NEO1: variants seen among roughly 807,000 people sequenced by gnomAD.
NEO1 encodes neogenin 1.
In NEO1, 63 loss-of-function variants were observed where a neutral mutation model predicts 159.7. The observed-to-expected ratio is 0.39, with a 90% CI of 0.32 to 0.49. NEO1 has a LOEUF of 0.49. Ranked by LOEUF, NEO1 falls within the 20% of genes least tolerant of loss-of-function variation. NEO1 has a pLI of 0.85. For missense variants in NEO1, 1,615 were observed against 1,831.0 expected (o/e 0.88, Z 2.15); for synonymous variants, 633 against 662.0 (o/e 0.96, Z 0.67).
intron 7 of NEO1, among the ~76,000 whole-genome samples, chr15:73,201,861 C>G (rs1370356662): frequency 1.3e-5 from 2 of 150,100 alleles, no homozygotes; most frequent in Non-Finnish European, 3.0e-5. Context: ...TCTGCTTTGT[C>G]TAGTATTAAT....
chr15:73,195,542 T>C (rs2036488555), intron 7 of NEO1, among the ~76,000 whole-genome samples: 1 of 152,206 alleles, frequency 6.6e-6, no homozygotes, highest in Non-Finnish European at 1.5e-5. Context: ...ATGTTTTTCT[T>C]TAGTATTAAC....
intron 20 of NEO1, 42 bp downstream of exon 20, chr15:73,274,047 A>T: frequency 6.3e-7 from 1 of 1,574,950 alleles, no homozygotes; most frequent in Non-Finnish European, 8.7e-7. Context: ...GTGTCTCTTT[A>T]GTGGGGCTAT....
At chr15:73,228,434 T>G (rs1225658962) in intron 7 of NEO1, among the ~76,000 whole-genome samples, 1 of 151,928 alleles carries the variant, frequency 6.6e-6, no homozygotes, top group African/African-American at 2.4e-5. Flanking sequence ...CTTAATGAGT[T>G]GTAAGAGTTC....
In NEO1 at chr15:73,298,502, T is replaced by C. The variant is rs1257449358; in HGVS notation, c.4056T>C (p.His1352=). The change falls in exon 27 of 29, where the codon CAT becomes CAC. Residue 1352 remains histidine (H), a synonymous_variant. Transcript: ENST00000261908. The stretch of plus-strand genomic sequence containing the variant: ...CAGGCCAGAGTCTTCCCACTGCCCA[T>C]GTTCGCCCTTCCCACCCATTGAAGA... ...EDSGQSLPTA[H]VRPSHPLKSF... The C allele has an allele frequency of 3.7e-6, 6 of 1,614,188 alleles. No homozygotes were observed. Among genetic ancestry groups the C allele is most frequent in the Non-Finnish European group, 4.2e-6 (5 of 1,180,034 alleles).
intron 14 of NEO1, 135 bp downstream of exon 14, chr15:73,259,011 C>G: frequency 1.5e-6 from 1 of 688,724 alleles, no homozygotes; most frequent in Non-Finnish European, 2.5e-6. Context: ...TGCTGTTGTT[C>G]CTGTATTGCA....
intron 1 of NEO1, among the ~76,000 whole-genome samples, chr15:73,095,069 C>T (rs1229890927): frequency 6.6e-6 from 1 of 152,024 alleles, no homozygotes; most frequent in East Asian, 1.9e-4. Flanking sequence ...ATTAGCCGGG[C>T]ATGGTGGTGT....
At chr15:73,078,336 T>G (rs2068875223) in intron 1 of NEO1, among the ~76,000 whole-genome samples, 1 of 152,220 alleles carries the variant, frequency 6.6e-6, no homozygotes, top group African/African-American at 2.4e-5. Flanking sequence ...TGTGATATAC[T>G]GTATTCAGTT....
intron 12 of NEO1, among the ~76,000 whole-genome samples, chr15:73,253,802 G>C (rs1160670615): frequency 6.6e-6 from 1 of 152,116 alleles, no homozygotes; most frequent in Admixed American, 6.5e-5. Context: ...TAACTGTTCA[G>C]AACCTTAGTG....
chr15:73,183,066 G>A (rs2035706406), intron 7 of NEO1, among the ~76,000 whole-genome samples: 1 of 152,114 alleles, frequency 6.6e-6, no homozygotes, highest in African/African-American at 2.4e-5. Context: ...AGACAGAATG[G>A]GAGTTTACAC....
chr15:73,060,985 C>A (rs1258074891), intron 1 of NEO1, among the ~76,000 whole-genome samples: 12 of 152,190 alleles, frequency 7.9e-5, no homozygotes, highest in Admixed American at 7.9e-4. Context: ...ACATAGGACT[C>A]AACCATTATG....
chr15:73,254,856 G>T (rs1371039545), intron 13 of NEO1, 27 bp downstream of exon 13: 1 of 1,600,538 alleles, frequency 6.2e-7, no homozygotes, highest in African/African-American at 1.3e-5. Flanking sequence ...AAAGGCAAAA[G>T]GTACACTGTG....
chr15:73,061,070 G>C (rs2067954340), intron 1 of NEO1, among the ~76,000 whole-genome samples: 1 of 152,148 alleles, frequency 6.6e-6, no homozygotes, highest in South Asian at 2.1e-4. Context: ...ATTTCTCCGA[G>C]TCCCAAAGGA....
chr15:73,208,034 G>T (rs1050930741), intron 7 of NEO1, among the ~76,000 whole-genome samples: 4 of 152,162 alleles, frequency 2.6e-5, no homozygotes, highest in Non-Finnish European at 5.9e-5. Flanking sequence ...GGAGCCATTT[G>T]CATACTAACT....
chr15:73,126,922 T>C (rs528602024), intron 4 of NEO1, among the ~76,000 whole-genome samples: 8 of 152,222 alleles, frequency 5.3e-5, no homozygotes, highest in Middle Eastern at 3.4e-3. Context: ...TAGTAGTTTT[T>C]CCACTGCACA....
chr15:73,201,954 C>CTTTTTTTTTTTTTTTTTTTTTTTTTTTTT (rs1206304409), intron 7 of NEO1, among the ~76,000 whole-genome samples: 1 of 83,458 alleles, frequency 1.2e-5, no homozygotes, highest in Non-Finnish European at 2.2e-5. Flanking sequence ...CTATATCATT[C>CTTTTTTTTTTTTTTTTTTTTTTTTTTTTT]TTTTTTTTTT....
chr15:73,226,139 C>T (rs2038578683), intron 7 of NEO1, among the ~76,000 whole-genome samples: 1 of 152,196 alleles, frequency 6.6e-6, no homozygotes, highest in Admixed American at 6.5e-5. Flanking sequence ...GGGGCACTCA[C>T]AGTATTTGGG....
Position 73,122,615 on chromosome 15 carries a change from T to C in NEO1, c.539T>C (p.Val180Ala), listed in dbSNP as rs759419130. The C allele has an allele frequency of 2.5e-6, 4 of 1,614,174 alleles. No homozygotes were observed. Among genetic ancestry groups the C allele is most frequent in the Non-Finnish European group, 3.4e-6 (4 of 1,180,016 alleles). Residue 180 changes from valine to alanine, a missense_variant, in exon 3 of 29, where the codon GTC becomes GCC. Coordinates refer to ENST00000261908, the MANE Select transcript of NEO1 (RefSeq NM_002499.4). ...AATTGTGAAGTTAATGCAGATTTGG[T>C]CCCATTTGTGAGGTGGGAACAGAAC... ...ILNCEVNADL[V>A]PFVRWEQNRQ... is the part of the protein sequence containing the mutation.
Position 73,136,993 on chromosome 15 carries a change from T to C in NEO1, c.1015+966T>C, listed in dbSNP as rs149750554. ...TGTTGCCTGAGGAATGCCCCACAAATTGGAGTAAATCATAGTGGTTCTGAG... is the reference window on the plus strand; with the variant it reads ...TGTTGCCTGAGGAATGCCCCACAAACTGGAGTAAATCATAGTGGTTCTGAG... On this transcript the variant is annotated intron_variant, in intron 5 of 28. Coordinates refer to ENST00000261908, the MANE Select transcript of NEO1 (RefSeq NM_002499.4). Among the ~76,000 whole-genome samples the C allele has an allele frequency of 6.9e-3, 1,055 of 152,232 alleles. 13 individuals carry two copies. The highest frequency in any genetic ancestry group is 0.024 in the African/African-American group (1,012 of 41,536).
chr15:73,252,561 GA>G (rs1187934161), intron 11 of NEO1, among the ~76,000 whole-genome samples: 1 of 152,138 alleles, frequency 6.6e-6, no homozygotes, highest in Non-Finnish European at 1.5e-5. Flanking sequence ...AACCAGCTTA[GA>G]AACTCCACAA....
Sources: gnomAD v4.1 joint callset for allele counts (sites outside exome capture counted in the v4.1 genomes callset) on GRCh38, gnomAD v4.1.1 for gene constraint, MANE v1.5 for transcripts, NCBI Gene and HGNC (gene_info 2026-07-23, HGNC 2026-07-21) for gene names.